Variants in SYNE1 observed in about 807,000 individuals in gnomAD.
The protein encoded by SYNE1 is spectrin repeat containing nuclear envelope protein 1.
A neutral mutation model predicts 1,111.0 loss-of-function variants in SYNE1; 616 were observed. That is an observed-to-expected ratio of 0.55 (90% CI 0.52 to 0.59). The LOEUF (loss-of-function observed/expected upper bound fraction) is 0.59, where lower values mean the gene tolerates loss of function less well. SYNE1 is among the 20% of genes least tolerant of loss of function. SYNE1 has a pLI of 0.00. For missense variants in SYNE1, 10,006 were observed against 10,417.0 expected, an observed-to-expected ratio of 0.96 and a Z score of 1.72; for synonymous variants, 3,855 against 3,825.8, an observed-to-expected ratio of 1.01 and a Z score of -0.28.
At chr6:152,235,929 A>C (rs2083917191) in intron 110 of SYNE1, among the ~76,000 whole-genome samples, 178 bp downstream of exon 110, 1 of 151,946 alleles carries the variant, frequency 6.6e-6, no homozygotes, top group Non-Finnish European at 1.5e-5. Flanking sequence ...TTTTGTAGAG[A>C]TTGGGGTCTT....
chr6:152,623,901 C>A (rs1415245354), intron 3 of SYNE1, among the ~76,000 whole-genome samples: 2 of 150,962 alleles, frequency 1.3e-5, no homozygotes, highest in Admixed American at 1.3e-4. Context: ...ATTATTATTT[C>A]ATTTGACTTT....
chr6:152,563,144 C>T (rs533989905), intron 3 of SYNE1, among the ~76,000 whole-genome samples: 16 of 151,904 alleles, frequency 1.1e-4, no homozygotes, highest in Non-Finnish European at 2.2e-4. Context: ...TTATCATACC[C>T]GGAGTCTTGT....
chr6:152,484,217 C>A (rs1049658872), intron 13 of SYNE1, among the ~76,000 whole-genome samples: 1 of 151,756 alleles, frequency 6.6e-6, no homozygotes, highest in African/African-American at 2.4e-5. Context: ...ATCTCAAAAA[C>A]AAAATAAAAT....
In SYNE1 at chr6:152,387,275, G is replaced by A. The variant is rs1428255786; in HGVS notation, c.8284C>T (p.Pro2762Ser). 1.9e-6 allele frequency: 3 copies of A among 1,614,172 alleles called. No individual in the cohort carries two copies. The East Asian group carries it at 6.7e-5, about 36-fold the overall frequency. Residue 2762 changes from proline to serine, a missense_variant, in exon 54 of 146, where the codon CCA (proline) becomes TCA (serine). By Grantham distance (74) the Pro-to-Ser change is moderately conservative. Transcript: ENST00000367255. ...AACTTCTCTTTCAGACCTGGCTGTGGTTGTAAGGGATGTTCTATTTTTTGA... is the reference window on the plus strand; with the variant it reads ...AACTTCTCTTTCAGACCTGGCTGTGATTGTAAGGGATGTTCTATTTTTTGA... ...VDQKIEHPLQ[P>S]QPGLKEKFVL...
chr6:152,582,969 GC>G (rs945891644), intron 3 of SYNE1, among the ~76,000 whole-genome samples: 1 of 151,978 alleles, frequency 6.6e-6, no homozygotes, highest in African/African-American at 2.4e-5. Flanking sequence ...TAATTGTTTT[GC>G]TATGAATACA....
chr6:152,130,627 G>T, intron 145 of SYNE1, 93 bp downstream of exon 145: 1 of 1,331,626 alleles, frequency 7.5e-7, no homozygotes, highest in Non-Finnish European at 1.1e-6. Flanking sequence ...ACTACCCTGA[G>T]GCAGACCAGA....
At chr6:152,236,062 A>T in intron 110 of SYNE1, 45 bp downstream of exon 110, 2 of 1,593,182 alleles carry the variant, frequency 1.3e-6, no homozygotes, top group South Asian at 1.1e-5. Flanking sequence ...TTATTAATAC[A>T]ATGCAGCACT....
rs1000041218 is a variant in SYNE1 at position 152,425,515 on chromosome 6, T to C, written c.5133A>G (p.Ser1711=). ...ALQNEVVSQA[S]FYSKLLQLKE... is the part of the protein sequence containing the mutation. ...TCAATTGCAAAAGTTTGCTATAGAA[T>C]GAGGCCTGGGATACAACTTCATTTT... The change falls in exon 39 of 146, where the codon TCA becomes TCG. Residue 1711 remains serine (S), a synonymous_variant. Coordinates refer to ENST00000367255, the MANE Select transcript of SYNE1 (RefSeq NM_182961.4). 6.2e-7 allele frequency: 1 copy of C among 1,614,182 alleles called. No individual in the cohort carries two copies. The highest frequency in any genetic ancestry group is 2.2e-5 in the East Asian group (1 of 44,874).
Position 152,430,192 on chromosome 6 carries a change from C to A in SYNE1, c.4708G>T (p.Glu1570Ter). 1.2e-6 allele frequency: 2 copies of A among 1,603,174 alleles called. No individual in the cohort carries two copies. Among genetic ancestry groups the A allele is most frequent in the South Asian group, 1.1e-5 (1 of 89,896 alleles). ...NLRKIQQSVS[E>*]FEDKLAVPIK... ...GGAACAGCAAGTTTATCTTCAAATT[C>A]AGACACAGATTGCTGGATCTAAAAC... Residue 1570 changes from glutamate to a stop codon, truncating the protein, a stop_gained, in exon 36 of 146, where the codon GAA becomes TAA. Transcript: ENST00000367255. LOFTEE classifies it high-confidence loss of function.
chr6:152,455,621 CT>C (rs1564153723), intron 23 of SYNE1, 31 bp from the exon 24 acceptor site: 1 of 1,612,628 alleles, frequency 6.2e-7, no homozygotes. Flanking sequence ...TAATGTGATG[CT>C]GCTTTCTCAT....
At chr6:152,275,161 C>G (rs2093510753) in intron 98 of SYNE1, among the ~76,000 whole-genome samples, 1 of 152,114 alleles carries the variant, frequency 6.6e-6, no homozygotes. Flanking sequence ...CCCTTCTTAG[C>G]CTCCCAAACT....
intron 45 of SYNE1, chr6:152,404,833 C>T (rs1036620502): frequency 6.6e-6 from 1 of 152,576 alleles, no homozygotes; most frequent in Admixed American, 6.5e-5. Flanking sequence ...TAATATTTTG[C>T]CTTTTTTTGC....
intron 130 of SYNE1, among the ~76,000 whole-genome samples, chr6:152,165,503 T>C (rs767393848): frequency 8.1e-4 from 123 of 152,280 alleles, no homozygotes; most frequent in Non-Finnish European, 1.3e-3. Context: ...ATTCTTCTAT[T>C]TGAATAACAT....
At chr6:152,440,364 G>A (rs1231722927) in intron 32 of SYNE1, among the ~76,000 whole-genome samples, 1 of 151,942 alleles carries the variant, frequency 6.6e-6, no homozygotes, top group African/African-American at 2.4e-5. Flanking sequence ...TAATGCTTTA[G>A]GTCTTCAAGA....
intron 64 of SYNE1, 132 bp downstream of exon 64, chr6:152,362,038 T>G (rs2096940655): frequency 1.6e-6 from 2 of 1,239,036 alleles, no homozygotes; most frequent in Non-Finnish European, 2.3e-6. Context: ...CTTTAGAGAT[T>G]ATACTAAAAG....
At chr6:152,257,675 G>T (rs2091150421) in intron 101 of SYNE1, among the ~76,000 whole-genome samples, 1 of 151,984 alleles carries the variant, frequency 6.6e-6, no homozygotes, top group South Asian at 2.1e-4. Context: ...GGAATCACTG[G>T]CATAGAGAAA....
At chr6:152,610,104 G>A (rs1176048082) in intron 3 of SYNE1, among the ~76,000 whole-genome samples, 1 of 152,204 alleles carries the variant, frequency 6.6e-6, no homozygotes, top group East Asian at 1.9e-4. Context: ...AAGGATCACA[G>A]CTCCTCGCCA....
chr6:152,442,879 G>T lies in SYNE1; in HGVS notation c.3838-634C>A, dbSNP rs533083791. Among the ~76,000 whole-genome samples the T allele has an allele frequency of 9.2e-5, 14 of 152,262 alleles. No individual in the cohort carries two copies. In the South Asian group the frequency reaches 2.9e-3, roughly 32 times the overall value. On this transcript the variant is annotated intron_variant, in intron 30 of 145. Coordinates refer to ENST00000367255, the MANE Select transcript of SYNE1 (RefSeq NM_182961.4). Reference sequence around the variant, plus strand: ...GAGGGTCACTTGAACCCAGGAGTTCGAGGCTGCAGTGAACTATGATTGTGC... The same window carrying T: ...GAGGGTCACTTGAACCCAGGAGTTCTAGGCTGCAGTGAACTATGATTGTGC...
chr6:152,442,708 G>T (rs1180399037), intron 30 of SYNE1, among the ~76,000 whole-genome samples: 1 of 152,178 alleles, frequency 6.6e-6, no homozygotes, highest in Admixed American at 6.6e-5. Context: ...CATTTTGGGA[G>T]GCCAAAGCTA....
Sources: allele counts gnomAD v4.1 joint callset (sites outside exome capture counted in the v4.1 genomes callset), GRCh38; gene constraint gnomAD v4.1.1; transcripts MANE v1.5; gene names NCBI Gene and HGNC (gene_info 2026-07-23, HGNC 2026-07-21).